PHACTR3: variants seen among roughly 807,000 people sequenced by gnomAD.
The protein encoded by PHACTR3 is protein phosphatase 1, regulatory subunit 123.
PHACTR3 carries 16 observed loss-of-function variants against 66.8 expected under a neutral mutation model. That is an observed-to-expected ratio of 0.24 (90% CI 0.16 to 0.36). The LOEUF is 0.36. PHACTR3 is among the 10% of genes least tolerant of loss of function. The pLI is 1.00. For synonymous variants in PHACTR3, 323 were observed against 292.1 expected (o/e 1.11, Z -1.08); for missense variants, 647 against 719.9 (o/e 0.90, Z 1.16).
intron 1 of PHACTR3, among the ~76,000 whole-genome samples, chr20:59,654,677 A>G (rs139533886): frequency 4.6e-5 from 7 of 152,238 alleles, no homozygotes; most frequent in Non-Finnish European, 1.0e-4. Flanking sequence ...TAACAAATTG[A>G]CCAGCTTCTC....
intron 1 of PHACTR3, among the ~76,000 whole-genome samples, chr20:59,586,827 G>A (rs1027975318): frequency 1.5e-4 from 23 of 152,112 alleles, no homozygotes; most frequent in African/African-American, 5.6e-4. Context: ...CCATTTGACA[G>A]GTGAGGAAAA....
At chr20:59,702,740 G>A in intron 1 of PHACTR3, among the ~76,000 whole-genome samples, 1 of 151,290 alleles carries the variant, frequency 6.6e-6, no homozygotes. Flanking sequence ...GACTACTCCA[G>A]TGCTTCTCAA....
Position 59,789,331 on chromosome 20 carries a change from T to C in PHACTR3, c.1174+14841T>C, listed in dbSNP as rs182453155. Among the ~76,000 whole-genome samples, 179 of 152,324 alleles carry C rather than the reference T, an allele frequency of 1.2e-3. 1 individual carries two copies. The highest frequency in any genetic ancestry group is 5.3e-4 in the Non-Finnish European group (36 of 68,028). On this transcript the variant is annotated intron_variant, in intron 7 of 12. Coordinates refer to ENST00000371015, the MANE Select transcript of PHACTR3 (RefSeq NM_080672.5). ...TGTAACGGGTTCTGTGCAGATCCAG[T>C]TGGCCATAGCCTGGGCTATGCCTAT...
intron 1 of PHACTR3, among the ~76,000 whole-genome samples, chr20:59,721,995 C>A (rs183842053): frequency 3.3e-5 from 5 of 152,226 alleles, no homozygotes; most frequent in African/African-American, 1.2e-4. Flanking sequence ...CTTTGGGAGG[C>A]CGATGCAGGC....
intron 1 of PHACTR3, among the ~76,000 whole-genome samples, chr20:59,709,627 G>A (rs1046466428): frequency 6.6e-6 from 1 of 152,202 alleles, no homozygotes; most frequent in Non-Finnish European, 1.5e-5. Context: ...CTTAGGAAGG[G>A]CAATTTGGTG....
At chr20:59,822,061 ATCCGCCCCGCAACG>A (rs1370813203) in intron 8 of PHACTR3, among the ~76,000 whole-genome samples, 180 of 66,478 alleles carry the variant, frequency 2.7e-3, no homozygotes, top group African/African-American at 7.5e-3. Flanking sequence ...TTCCCCAGCG[ATCCGCCCCGCAACG>A]ATCCCACCCC....
In PHACTR3 at chr20:59,773,538, A is replaced by T. The variant is rs1174032913; in HGVS notation, c.926+85A>T. 5.1e-6 allele frequency: 7 copies of T among 1,383,536 alleles called. No individual in the cohort carries two copies. The African/African-American group carries it at 1.0e-4, about 20-fold the overall frequency. 85.7% of individuals were successfully genotyped at this position (1,383,536 alleles called of 1,614,324 possible). On this transcript the variant is annotated intron_variant, in intron 6 of 12. Coordinates refer to ENST00000371015, the MANE Select transcript of PHACTR3 (RefSeq NM_080672.5). ...AGGCTGTGCAGCTCATGCCACGCCC[A>T]GGGCCTTGGCTGGGTGTCCCGTTCT...
intron 5 of PHACTR3, 29 bp from the exon 6 acceptor site, chr20:59,773,250 T>A (rs1399884115): frequency 1.2e-6 from 2 of 1,602,750 alleles, no homozygotes; most frequent in Non-Finnish European, 1.7e-6. Context: ...TGAAGACCTA[T>A]GTTCTTGCTG....
intron 1 of PHACTR3, among the ~76,000 whole-genome samples, chr20:59,674,695 G>C (rs1263358381): frequency 1.8e-3 from 60 of 33,116 alleles, no homozygotes; most frequent in Admixed American, 2.7e-3. Flanking sequence ...TCCTGTTCCT[G>C]CCTTCTCCTG....
intron 7 of PHACTR3, among the ~76,000 whole-genome samples, chr20:59,796,437 C>T (rs77254485): frequency 1.8e-3 from 268 of 152,226 alleles, no homozygotes; most frequent in Non-Finnish European, 2.6e-3. Flanking sequence ...TATGAATTTG[C>T]GTCTACCAGT....
At chr20:59,834,434 C>T (rs1274364304) in intron 8 of PHACTR3, among the ~76,000 whole-genome samples, 1 of 152,226 alleles carries the variant, frequency 6.6e-6, no homozygotes, top group East Asian at 1.9e-4. Context: ...ATGCTGGGTG[C>T]CCAGCTCTAA....
At chr20:59,601,781 C>G (rs2033485214), upstream of PHACTR3, among the ~76,000 whole-genome samples, 1 of 152,182 alleles carries the variant, frequency 6.6e-6, no homozygotes, top group Admixed American at 6.5e-5. Flanking sequence ...AGGAAAAGCT[C>G]CAGCTCTACC....
chr20:59,767,091 G>A (rs1361417367), intron 4 of PHACTR3, 95 bp from the exon 5 acceptor site: 13 of 1,274,642 alleles, frequency 1.0e-5, no homozygotes, highest in African/African-American at 7.4e-5. Context: ...TGCTCTTCAC[G>A]ATCCCATCCC....
chr20:59,817,319 G>A lies in PHACTR3; in HGVS notation c.1328+11125G>A, dbSNP rs188049435. On this transcript the variant is annotated intron_variant, in intron 8 of 12. Transcript: ENST00000371015. ...ATACGCTTCTGGCGACACCACTGCC[G>A]TCTGGCTGCTGACCAGCCTGGGCTA... Among the ~76,000 whole-genome samples the A allele has an allele frequency of 3.3e-4, 51 of 152,310 alleles. 1 individual carries two copies. The East Asian group carries it at 3.9e-3, about 12-fold the overall frequency.
At chr20:59,687,729 G>C (rs893042758) in intron 1 of PHACTR3, among the ~76,000 whole-genome samples, 1 of 152,116 alleles carries the variant, frequency 6.6e-6, no homozygotes, top group East Asian at 1.9e-4. Flanking sequence ...TTTGTGGACT[G>C]GTACCTGGAA....
chr20:59,685,740 GT>G (rs1375078815), intron 1 of PHACTR3, among the ~76,000 whole-genome samples: 1 of 152,192 alleles, frequency 6.6e-6, no homozygotes, highest in Non-Finnish European at 1.5e-5. Context: ...CGGGCCTCAG[GT>G]TGAATGTCAC....
At chr20:59,808,783 T>C (rs2041645888) in intron 8 of PHACTR3, among the ~76,000 whole-genome samples, 1 of 152,202 alleles carries the variant, frequency 6.6e-6, no homozygotes, top group East Asian at 1.9e-4. Context: ...GCTGCTGGGC[T>C]GCAGGCCACA....
intron 7 of PHACTR3, among the ~76,000 whole-genome samples, chr20:59,795,304 T>C (rs563058795): frequency 6.6e-6 from 1 of 152,288 alleles, no homozygotes; most frequent in African/African-American, 2.4e-5. Flanking sequence ...CTGAAGTTCC[T>C]CCTGTTACTA....
chr20:59,830,228 T>C lies in PHACTR3; in HGVS notation c.1329-6277T>C, dbSNP rs548901380. On this transcript the variant is annotated intron_variant, in intron 8 of 12. Transcript: ENST00000371015. This position sits in a 1 kb window ranked among gnomAD's most constrained non-coding sequence, Gnocchi z 5.8. ...AGTGTCTGATAGAAGAGGGCGTGAGTGTCTGATGGAAGAGGGTATGAGTGT... is the reference window on the plus strand; with the variant it reads ...AGTGTCTGATAGAAGAGGGCGTGAGCGTCTGATGGAAGAGGGTATGAGTGT... Among the ~76,000 whole-genome samples the C allele has an allele frequency of 6.6e-6, 1 of 151,718 alleles. No homozygotes were observed. The highest frequency in any genetic ancestry group is 6.6e-5 in the Admixed American group (1 of 15,244).
Sources: allele counts gnomAD v4.1 joint callset (sites outside exome capture counted in the v4.1 genomes callset), GRCh38; gene constraint gnomAD v4.1.1; non-coding constraint Gnocchi (gnomAD v3.1); transcripts MANE v1.5; gene names NCBI Gene and HGNC (gene_info 2026-07-23, HGNC 2026-07-21).